XKR9: variants seen among roughly 807,000 people sequenced by gnomAD.
XKR9 encodes XK-related protein 9.
XKR9 carries 32 observed loss-of-function variants against 32.0 expected under a neutral mutation model. The ratio of observed to expected loss-of-function variants is 1.00; its 90% CI spans 0.76 to 1.34. The LOEUF is 1.34. Among genes scored for constraint, XKR9 ranks in the 40% most tolerant of loss-of-function variants. The pLI, the probability that XKR9 is intolerant of heterozygous loss-of-function variation, is 0.00. For missense variants in XKR9, 546 were observed against 429.7 expected (o/e 1.27, Z -2.39); for synonymous variants, 168 against 143.4 (o/e 1.17, Z -1.22).
the XKR9 span, among the ~76,000 whole-genome samples, chr8:70,885,128 G>A: frequency 1.3e-5 from 2 of 151,164 alleles, no homozygotes; most frequent in East Asian, 3.9e-4. Context: ...TCATTTTCTG[G>A]GGTGCTAATG....
rs1819491756 is a variant in XKR9 at position 70,690,914 on chromosome 8, T to C, written c.272+9584T>C. On this transcript the variant is annotated intron_variant, in intron 3 of 4. Coordinates refer to ENST00000408926, the MANE Select transcript of XKR9 (RefSeq NM_001011720.2). Reference sequence around the variant, plus strand: ...GTGTGCATGTGTCTTTATGGTAGAATGCTCTGGGTATATACCCAGTAATGG... The same window carrying C: ...GTGTGCATGTGTCTTTATGGTAGAACGCTCTGGGTATATACCCAGTAATGG... Among the ~76,000 whole-genome samples, 3 of 152,136 alleles carry C rather than the reference T, an allele frequency of 2.0e-5. No homozygotes were observed. In the South Asian group the frequency reaches 6.2e-4, roughly 32 times the overall value.
the XKR9 span, among the ~76,000 whole-genome samples, chr8:70,922,448 C>T: frequency 6.6e-6 from 1 of 152,180 alleles, no homozygotes; most frequent in Non-Finnish European, 1.5e-5. Context: ...TAATTACCTA[C>T]TGTGCTAATT....
the XKR9 span, among the ~76,000 whole-genome samples, chr8:70,842,554 AC>A: frequency 6.7e-6 from 1 of 150,084 alleles, no homozygotes; most frequent in South Asian, 2.1e-4. Context: ...ATTTACACAC[AC>A]ACACACACAC....
chr8:70,813,625 G>A, the XKR9 span, among the ~76,000 whole-genome samples: 1 of 152,040 alleles, frequency 6.6e-6, no homozygotes, highest in East Asian at 1.9e-4. Context: ...TCAACAAGTG[G>A]GCAAAGGATA....
chr8:70,879,374 T>G, the XKR9 span, among the ~76,000 whole-genome samples: 1 of 151,758 alleles, frequency 6.6e-6, no homozygotes, highest in South Asian at 2.1e-4. Context: ...CAGGAGCTGG[T>G]TTTTTGAAAA....
chr8:70,752,953 C>A (rs368187854), intron 2 of XKR9, among the ~76,000 whole-genome samples: 2 of 152,080 alleles, frequency 1.3e-5, no homozygotes, highest in Non-Finnish European at 2.9e-5. Context: ...ACAAAAAACC[C>A]TTCAAAAAAT....
chr8:70,948,101 AC>A, the XKR9 span, among the ~76,000 whole-genome samples: 4 of 149,458 alleles, frequency 2.7e-5, no homozygotes, highest in African/African-American at 7.4e-5. Flanking sequence ...GCTCCTGCCC[AC>A]CCCCACCCTG....
At chr8:71,062,577 T>C in the XKR9 span, among the ~76,000 whole-genome samples, 1 of 152,118 alleles carries the variant, frequency 6.6e-6, no homozygotes, top group Non-Finnish European at 1.5e-5. Flanking sequence ...GAGAGAGACA[T>C]CATTTGAGCC....
intron 3 of XKR9, among the ~76,000 whole-genome samples, chr8:70,687,312 C>CTCTTTTTTCTT (rs1554544432): frequency 1.4e-5 from 2 of 138,252 alleles, no homozygotes; most frequent in East Asian, 4.4e-4. Flanking sequence ...TCTCTCCTCC[C>CTCTTTTTTCTT]TCTTTCTTTC....
the XKR9 span, among the ~76,000 whole-genome samples, chr8:71,063,013 C>G: frequency 6.6e-6 from 1 of 152,158 alleles, no homozygotes; most frequent in African/African-American, 2.4e-5. Context: ...TGCACTTACA[C>G]ACACCTCATT....
the XKR9 span, among the ~76,000 whole-genome samples, chr8:70,900,903 G>A: frequency 6.6e-6 from 1 of 152,128 alleles, no homozygotes; most frequent in Non-Finnish European, 1.5e-5. Context: ...GTGAGAACAT[G>A]TGGTGTTTAG....
chr8:70,702,787 C>CT (rs1805584351), intron 3 of XKR9, among the ~76,000 whole-genome samples: 1 of 152,104 alleles, frequency 6.6e-6, no homozygotes, highest in African/African-American at 2.4e-5. Context: ...CTATCTGAGT[C>CT]TTTATGTTTA....
chr8:70,727,875 C>T (rs1224362487), intron 4 of XKR9, among the ~76,000 whole-genome samples: 1 of 151,282 alleles, frequency 6.6e-6, no homozygotes, highest in East Asian at 1.9e-4. Flanking sequence ...CTGGGTAGTG[C>T]CACCTGATCC....
the XKR9 span, among the ~76,000 whole-genome samples, chr8:70,811,923 C>G: frequency 6.6e-6 from 1 of 152,020 alleles, no homozygotes; most frequent in East Asian, 1.9e-4. Flanking sequence ...AAGAGGGAAT[C>G]CTCCCTAACT....
At chr8:70,971,753 C>G in the XKR9 span, among the ~76,000 whole-genome samples, 1 of 151,804 alleles carries the variant, frequency 6.6e-6, no homozygotes, top group Admixed American at 6.6e-5. Flanking sequence ...TTTGCTTTGT[C>G]AAAAATCAGT....
chr8:70,749,620 A>T (rs569783006), intron 2 of XKR9, among the ~76,000 whole-genome samples: 2 of 152,256 alleles, frequency 1.3e-5, no homozygotes, highest in South Asian at 4.1e-4. Flanking sequence ...GCTCACTCAC[A>T]CACCTCTCAC....
chr8:70,819,072 T>TA, the XKR9 span, among the ~76,000 whole-genome samples: 16,619 of 152,256 alleles, frequency 0.11, 1,032 homozygotes, highest in African/African-American at 0.17. Flanking sequence ...GGCAAAGACA[T>TA]ACACCAGGAA....
intron 3 of XKR9, among the ~76,000 whole-genome samples, chr8:70,701,563 C>T (rs1267884271): frequency 6.6e-6 from 1 of 152,114 alleles, no homozygotes; most frequent in Non-Finnish European, 1.5e-5. Context: ...CAGGAAGTGG[C>T]AGAATACTGA....
the XKR9 span, among the ~76,000 whole-genome samples, chr8:70,894,956 A>G: frequency 6.6e-6 from 1 of 152,100 alleles, no homozygotes; most frequent in Non-Finnish European, 1.5e-5. Flanking sequence ...CTGTAGTTCC[A>G]ATTCCAAGAT....
Sources: allele counts gnomAD v4.1 joint callset (sites outside exome capture counted in the v4.1 genomes callset), GRCh38; gene constraint gnomAD v4.1.1; transcripts MANE v1.5; gene names NCBI Gene and HGNC (gene_info 2026-07-23, HGNC 2026-07-21).